The following CPNE4 variants were observed in gnomAD, a reference collection of about 807,000 sequenced individuals.
CPNE4 encodes copine 4, also known as copine-4.
In CPNE4, 25 loss-of-function variants were observed where a neutral mutation model predicts 67.9. The observed-to-expected ratio is 0.37, with a 90% confidence interval of 0.27 to 0.51. The LOEUF (loss-of-function observed/expected upper bound fraction) is 0.51, where lower values mean the gene tolerates loss of function less well. CPNE4 is among the 20% of genes least tolerant of loss of function. CPNE4 has a pLI of 0.93. For synonymous variants in CPNE4, 242 were observed against 244.9 expected (o/e 0.99, Z 0.11); for missense variants, 464 against 690.8 (o/e 0.67, Z 3.68).
At chr3:131,659,880 T>C (rs1196527224) in intron 7 of CPNE4, among the ~76,000 whole-genome samples, 1 of 152,180 alleles carries the variant, frequency 6.6e-6, no homozygotes, top group South Asian at 2.1e-4. Flanking sequence ...TTAAATACTC[T>C]GTAGTACAAT....
rs746202160 is a variant in CPNE4 at position 131,696,617 on chromosome 3, C to T, written c.433-1G>A. The T allele has an allele frequency of 6.2e-7, 1 of 1,613,866 alleles. No homozygotes were observed. The highest frequency in any genetic ancestry group is 8.5e-7 in the Non-Finnish European group (1 of 1,179,852). ...TGCCAGATAATTCTTCAGCAATCACCTAAAGGAAAAAGCACACATCAGCTG... is the reference window on the plus strand; with the variant it reads ...TGCCAGATAATTCTTCAGCAATCACTTAAAGGAAAAAGCACACATCAGCTG... On this transcript the variant is annotated splice_acceptor_variant, in intron 4 of 15. Coordinates refer to ENST00000429747, the MANE Select transcript of CPNE4 (RefSeq NM_130808.3). LOFTEE classifies it high-confidence loss of function.
intron 5 of CPNE4, among the ~76,000 whole-genome samples, chr3:131,693,741 C>A (rs890972835): frequency 6.6e-6 from 1 of 152,242 alleles, no homozygotes; most frequent in Admixed American, 6.5e-5. Context: ...TCCCCTCTTA[C>A]CTCCCCTCTT....
chr3:132,015,481 G>A (rs2073869703), intron 1 of CPNE4, among the ~76,000 whole-genome samples: 1 of 150,950 alleles, frequency 6.6e-6, no homozygotes. Flanking sequence ...GAAGGAAAAA[G>A]AGTCCTCTCT....
chr3:131,879,908 A>C (rs2087605285), intron 2 of CPNE4, among the ~76,000 whole-genome samples: 1 of 152,066 alleles, frequency 6.6e-6, no homozygotes, highest in South Asian at 2.1e-4. Context: ...GATCTACTTC[A>C]AGTAATATCT....
chr3:131,997,842 G>A lies in CPNE4; in HGVS notation c.-2+36725C>T, dbSNP rs569408655. 2.0e-5 allele frequency among the ~76,000 whole-genome samples: 3 copies of A among 152,212 alleles called. No homozygotes were observed. The East Asian group carries it at 5.8e-4, about 29-fold the overall frequency. ...CAGTGTTAACATGATCTTGCAAGCA[G>A]CAGAGAAAGGTAGAAAGTTTTTGAG... On this transcript the variant is annotated intron_variant, in intron 1 of 15. Transcript: ENST00000429747.
At chr3:131,571,581 A>G (rs1937340956) in intron 10 of CPNE4, among the ~76,000 whole-genome samples, 1 of 151,920 alleles carries the variant, frequency 6.6e-6, no homozygotes, top group African/African-American at 2.4e-5. Flanking sequence ...ATTGTATTCT[A>G]GGCAGAGGCT....
intron 1 of CPNE4, among the ~76,000 whole-genome samples, chr3:131,978,794 C>T (rs34915599): frequency 0.18 from 27,409 of 150,662 alleles, 4,718 homozygotes; most frequent in African/African-American, 0.46. Context: ...CAGTGTCGGT[C>T]TGTGCTCTTT....
chr3:131,662,976 A>G (rs1296248615), intron 7 of CPNE4, among the ~76,000 whole-genome samples: 1 of 152,190 alleles, frequency 6.6e-6, no homozygotes, highest in East Asian at 1.9e-4. Flanking sequence ...TACCCAAAGG[A>G]TTATAAATCA....
chr3:131,732,464 CTTT>C (rs1278266049), intron 2 of CPNE4, among the ~76,000 whole-genome samples: 1 of 152,198 alleles, frequency 6.6e-6, no homozygotes, highest in Non-Finnish European at 1.5e-5. Flanking sequence ...AGCTCACCTT[CTTT>C]CAGCCAATGG....
At chr3:131,820,656 T>G (rs1057324806) in intron 2 of CPNE4, among the ~76,000 whole-genome samples, 1 of 152,248 alleles carries the variant, frequency 6.6e-6, no homozygotes, top group Admixed American at 6.5e-5. Flanking sequence ...AAAAATCCCA[T>G]TGTAATGCAT....
chr3:131,822,194 A>G (rs2084986446), intron 2 of CPNE4, among the ~76,000 whole-genome samples: 1 of 152,242 alleles, frequency 6.6e-6, no homozygotes, highest in African/African-American at 2.4e-5. Context: ...ACTAAATTAC[A>G]TAGAGTTTTA....
rs572454677 is a variant in CPNE4 at position 132,008,190 on chromosome 3, G to A, written c.-2+26377C>T. Among the ~76,000 whole-genome samples the A allele has an allele frequency of 3.3e-5, 5 of 152,110 alleles. No homozygotes were observed. In the South Asian group the frequency reaches 1.0e-3, roughly 32 times the overall value. ...CTTATTGAATGAGGATTGAATGAAG[G>A]TATACAAAATGAAAAAAATACCCAC... On this transcript the variant is annotated intron_variant, in intron 1 of 15. Coordinates refer to ENST00000429747, the MANE Select transcript of CPNE4 (RefSeq NM_130808.3).
chr3:131,942,176 T>C (rs927152411), intron 1 of CPNE4, among the ~76,000 whole-genome samples: 2 of 152,068 alleles, frequency 1.3e-5, no homozygotes. Context: ...GTCTGTTAAT[T>C]GAGAAAATCA....
intron 2 of CPNE4, among the ~76,000 whole-genome samples, chr3:131,857,157 A>T (rs2107657547): frequency 6.6e-6 from 1 of 152,118 alleles, no homozygotes; most frequent in African/African-American, 2.4e-5. Context: ...TCTTTAAACA[A>T]CACCTTATTG....
At chr3:131,842,103 C>T (rs1464629782) in intron 2 of CPNE4, among the ~76,000 whole-genome samples, 1 of 152,192 alleles carries the variant, frequency 6.6e-6, no homozygotes, top group East Asian at 1.9e-4. Context: ...CTGGGCCAAC[C>T]TGTCTACCAC....
chr3:131,537,220 TG>T (rs1476413844), intron 15 of CPNE4, among the ~76,000 whole-genome samples: 1 of 151,980 alleles, frequency 6.6e-6, no homozygotes, highest in Non-Finnish European at 1.5e-5. Flanking sequence ...TTCGGAACTC[TG>T]TAAAAGTGTG....
intron 3 of CPNE4, among the ~76,000 whole-genome samples, chr3:131,719,451 T>A (rs2081823512): frequency 6.6e-6 from 1 of 152,184 alleles, no homozygotes; most frequent in Non-Finnish European, 1.5e-5. Flanking sequence ...CTATTTGTAA[T>A]CTCATTCTCA....
chr3:131,787,441 C>T (rs2083597326), intron 2 of CPNE4, among the ~76,000 whole-genome samples: 2 of 152,098 alleles, frequency 1.3e-5, no homozygotes, highest in African/African-American at 4.8e-5. Flanking sequence ...CTGTGTTAGC[C>T]CACATGACAA....
At chr3:131,778,724 C>G (rs2083354557) in intron 2 of CPNE4, among the ~76,000 whole-genome samples, 1 of 152,060 alleles carries the variant, frequency 6.6e-6, no homozygotes, top group Non-Finnish European at 1.5e-5. Context: ...CTTACCTTTT[C>G]TCTCAGGAAT....
Sources: allele counts gnomAD v4.1 joint callset (sites outside exome capture counted in the v4.1 genomes callset), GRCh38; gene constraint gnomAD v4.1.1; transcripts MANE v1.5; gene names NCBI Gene and HGNC (gene_info 2026-07-23, HGNC 2026-07-21).